Variants in EGFR observed in about 807,000 individuals in gnomAD.
EGFR encodes epidermal growth factor receptor.
In EGFR, 58 loss-of-function variants were observed where a neutral mutation model predicts 143.0. The ratio of observed to expected loss-of-function variants is 0.41; its 90% confidence interval spans 0.33 to 0.50. The LOEUF (loss-of-function observed/expected upper bound fraction) is 0.50. Ranked by LOEUF, EGFR falls within the 20% of genes least tolerant of loss-of-function variation. The probability of loss-of-function intolerance (pLI) is 0.39; values close to 1 mark genes in which losing one functional copy is unlikely to be tolerated. For missense variants in EGFR, 1,307 were observed against 1,579.0 expected (o/e 0.83, Z 2.92); for synonymous variants, 613 against 594.4 (o/e 1.03, Z -0.45).
chr7:55,200,551 G>A (rs2128970323), intron 24 of EGFR, 138 bp downstream of exon 24: 1 of 878,858 alleles, frequency 1.1e-6, no homozygotes, highest in Non-Finnish European at 1.9e-6. Flanking sequence ...ATTAGAGCAA[G>A]CCTCAGTAAG....
chr7:55,166,832 GCA>G lies in EGFR; in HGVS notation c.1880+1396_1880+1397del, dbSNP rs1786036366. Among the ~76,000 whole-genome samples the G allele has an allele frequency of 9.0e-5, 11 of 122,444 alleles. 3 individuals are homozygous for G. The highest frequency in any genetic ancestry group is 1.9e-4 in the Non-Finnish European group (11 of 58,544). 80.3% of individuals were successfully genotyped at this position (122,444 alleles called of 152,430 possible). On this transcript the variant is annotated intron_variant, in intron 15 of 27. Coordinates refer to ENST00000275493, the MANE Select transcript of EGFR (RefSeq NM_005228.5). ...TGAGGAGGTGGGAGTCACAATGGTG[GCA>G]GTGTTGGTGGTGAGGAGGTGGGAGT...
At chr7:55,039,010 G>T (rs892185865) in intron 1 of EGFR, among the ~76,000 whole-genome samples, 1 of 151,326 alleles carries the variant, frequency 6.6e-6, no homozygotes, top group East Asian at 1.9e-4. Context: ...GTTAGTAATT[G>T]CCAGAGGTGG....
At chr7:55,097,640 T>C (rs1250462296) in intron 1 of EGFR, among the ~76,000 whole-genome samples, 1 of 152,216 alleles carries the variant, frequency 6.6e-6, no homozygotes, top group African/African-American at 2.4e-5. Context: ...ACGTGTCACT[T>C]TGTACCTGAT....
At chr7:55,075,966 T>G (rs1790112778) in intron 1 of EGFR, among the ~76,000 whole-genome samples, 1 of 152,208 alleles carries the variant, frequency 6.6e-6, no homozygotes, top group African/African-American at 2.4e-5. Flanking sequence ...GCGTGGAAAT[T>G]TCCATTCAAC....
intron 4 of EGFR, among the ~76,000 whole-genome samples, chr7:55,148,198 T>C (rs1794866320): frequency 6.6e-6 from 1 of 152,200 alleles, no homozygotes; most frequent in African/African-American, 2.4e-5. Flanking sequence ...ATTGCAAAAT[T>C]TCATATTATG....
chr7:55,050,177 C>T (rs780995456), intron 1 of EGFR, among the ~76,000 whole-genome samples: 7 of 152,206 alleles, frequency 4.6e-5, no homozygotes, highest in Non-Finnish European at 1.0e-4. Context: ...GCCATAAACA[C>T]CATTCATCTC....
At chr7:55,171,779 T>C (rs1190409206) in intron 16 of EGFR, among the ~76,000 whole-genome samples, 2 of 152,140 alleles carry the variant, frequency 1.3e-5, no homozygotes, top group African/African-American at 4.8e-5. Context: ...GAAAGAGTGG[T>C]GTTACTCTCG....
chr7:55,103,480 C>T (rs549213234), intron 1 of EGFR, among the ~76,000 whole-genome samples: 163 of 152,330 alleles, frequency 1.1e-3, no homozygotes, highest in African/African-American at 3.8e-3. Flanking sequence ...ATGTGATCCA[C>T]CATTTATGAA....
At chr7:55,179,013 G>A (rs1786729764) in intron 19 of EGFR, among the ~76,000 whole-genome samples, 1 of 152,212 alleles carries the variant, frequency 6.6e-6, no homozygotes, top group Admixed American at 6.5e-5. Context: ...CAGGCCCTCA[G>A]AGCACTTGCC....
intron 1 of EGFR, among the ~76,000 whole-genome samples, chr7:55,068,014 G>T (rs1789610597): frequency 6.6e-6 from 1 of 150,880 alleles, no homozygotes; most frequent in Non-Finnish European, 1.5e-5. Flanking sequence ...GTGGGCACAG[G>T]TGTGCCTGTG....
intron 1 of EGFR, among the ~76,000 whole-genome samples, chr7:55,091,847 A>AAC (rs71014681): frequency 0.025 from 3,284 of 132,120 alleles, 49 homozygotes; most frequent in Middle Eastern, 0.061. Flanking sequence ...ACCCACTGTA[A>AAC]ACACACACAC....
intron 1 of EGFR, among the ~76,000 whole-genome samples, chr7:55,058,304 A>G (rs11238346): frequency 0.79 from 120,329 of 152,142 alleles, 47,700 homozygotes; most frequent in East Asian, 0.92. Context: ...TGAGGCAGGA[A>G]AATTGCTTGA....
chr7:55,077,121 A>G (rs187403933), intron 1 of EGFR, among the ~76,000 whole-genome samples: 1 of 152,280 alleles, frequency 6.6e-6, no homozygotes, highest in Admixed American at 6.5e-5. Context: ...GAGGTCAATT[A>G]CAGATTATTA....
intron 1 of EGFR, among the ~76,000 whole-genome samples, chr7:55,129,697 C>T (rs11534100): frequency 0.047 from 7,167 of 152,270 alleles, 455 homozygotes; most frequent in East Asian, 0.29. Flanking sequence ...TTTCCCTCTC[C>T]GGTTTCAGGA....
chr7:55,108,126 C>G (rs1792247418), intron 1 of EGFR, among the ~76,000 whole-genome samples: 1 of 152,206 alleles, frequency 6.6e-6, no homozygotes, highest in Admixed American at 6.5e-5. Context: ...GTGACTCATT[C>G]CAAATGCAGA....
intron 18 of EGFR, 139 bp downstream of exon 18, chr7:55,174,182 T>G (rs1204032500): frequency 1.6e-6 from 2 of 1,278,670 alleles, no homozygotes; most frequent in African/African-American, 1.5e-5. Flanking sequence ...GAAACTCCAG[T>G]GTTTTTCCCA....
intron 1 of EGFR, among the ~76,000 whole-genome samples, chr7:55,061,044 G>T (rs1480110810): frequency 6.6e-6 from 1 of 152,196 alleles, no homozygotes; most frequent in Non-Finnish European, 1.5e-5. Flanking sequence ...CTTAAATGAG[G>T]TGCAAACACA....
intron 1 of EGFR, among the ~76,000 whole-genome samples, chr7:55,059,302 C>G (rs902391588): frequency 1.3e-5 from 2 of 152,148 alleles, no homozygotes; most frequent in South Asian, 2.1e-4. Context: ...ACTTAATAAA[C>G]TTCCTTTTTT....
At chr7:55,203,450 CAT>C (rs1787955379) in intron 27 of EGFR, among the ~76,000 whole-genome samples, 1 of 141,124 alleles carries the variant, frequency 7.1e-6, no homozygotes, top group Non-Finnish European at 1.6e-5. Flanking sequence ...ACACTACAGA[CAT>C]GTATGCACAC....
Sources: gnomAD v4.1 joint callset for allele counts (sites outside exome capture counted in the v4.1 genomes callset) on GRCh38, gnomAD v4.1.1 for gene constraint, MANE v1.5 for transcripts, NCBI Gene and HGNC (gene_info 2026-07-23, HGNC 2026-07-21) for gene names.